The following DNAH6 variants were observed in gnomAD, a reference collection of about 807,000 sequenced individuals.
DNAH6 encodes axonemal beta dynein heavy chain 6.
In DNAH6, 340 loss-of-function variants were observed where a neutral mutation model predicts 491.4. That is an observed-to-expected ratio of 0.69 (90% CI 0.63 to 0.76). The LOEUF is 0.76. Ranked by LOEUF, DNAH6 falls within the 30% of genes least tolerant of loss-of-function variation. The pLI is 0.00. For synonymous variants in DNAH6, 1,603 were observed against 1,686.1 expected (o/e 0.95, Z 1.21); for missense variants, 4,443 against 4,972.2 (o/e 0.89, Z 3.20).
At chr2:84,654,582 A>G (rs1390277287) in intron 34 of DNAH6, 78 bp from the exon 35 acceptor site, 6 of 1,516,488 alleles carry the variant, frequency 4.0e-6, no homozygotes, top group Non-Finnish European at 5.3e-6. Flanking sequence ...GAATCATTTT[A>G]TAAGTGTGAA....
chr2:84,532,173 G>A (rs1198567040), intron 4 of DNAH6, among the ~76,000 whole-genome samples: 1 of 152,114 alleles, frequency 6.6e-6, no homozygotes, highest in African/African-American at 2.4e-5. Context: ...ACTGAAAACT[G>A]CTTTTGTTCA....
rs76839978 is a variant in DNAH6, at chr2:84,674,821, C to A, written c.6613-2184C>A. 5.3e-3 allele frequency among the ~76,000 whole-genome samples: 807 copies of A among 152,228 alleles called. 9 individuals carry two copies. Among genetic ancestry groups the A allele is most frequent in the African/African-American group, 0.018 (768 of 41,538 alleles). ...CCACCAGGCCAGCGCTCAGTGGCTC[C>A]TCTCTGCCAAACAAATCACATGGAA... On this transcript the variant is annotated intron_variant, in intron 40 of 76. Transcript: ENST00000389394.
At chr2:84,570,752 C>T (rs889145168) in intron 11 of DNAH6, among the ~76,000 whole-genome samples, 3 of 152,160 alleles carry the variant, frequency 2.0e-5, no homozygotes, top group Admixed American at 6.5e-5. Flanking sequence ...GCTGGCCACC[C>T]GAGCCAGTAG....
At chr2:84,784,911 G>A (rs983353430) in intron 66 of DNAH6, 101 bp downstream of exon 66, 2 of 804,840 alleles carry the variant, frequency 2.5e-6, no homozygotes, top group East Asian at 2.8e-5. Flanking sequence ...GCATGTGGAG[G>A]TCTGTGTGGC....
At chr2:84,718,122 A>C in intron 58 of DNAH6, 82 bp from the exon 59 acceptor site, 1 of 1,192,518 alleles carries the variant, frequency 8.4e-7, no homozygotes, top group Non-Finnish European at 1.2e-6. Flanking sequence ...AATAAGAACG[A>C]TTACAAACAG....
chr2:84,635,699 G>A (rs1055285921), intron 30 of DNAH6, among the ~76,000 whole-genome samples: 15 of 152,090 alleles, frequency 9.9e-5, no homozygotes, highest in Admixed American at 3.9e-4. Context: ...AACCAGCCTC[G>A]TCCTGAAGCT....
At chr2:84,657,977 A>G (rs938998417) in intron 35 of DNAH6, among the ~76,000 whole-genome samples, 1 of 152,028 alleles carries the variant, frequency 6.6e-6, no homozygotes, top group Admixed American at 6.6e-5. Context: ...ATAATTGTGA[A>G]AGAACATCAG....
chr2:84,813,950 T>A (rs1467997092), intron 74 of DNAH6, 21 bp from the exon 75 acceptor site: 7 of 1,551,306 alleles, frequency 4.5e-6, no homozygotes, highest in Non-Finnish European at 6.1e-6. Context: ...GAACGCAGCT[T>A]TCCGATTTTC....
At chr2:84,483,756 C>T in the DNAH6 span, among the ~76,000 whole-genome samples, 1 of 152,132 alleles carries the variant, frequency 6.6e-6, no homozygotes, top group Non-Finnish European at 1.5e-5. Context: ...GGTGACATTT[C>T]CAGCTTCTCA....
intron 30 of DNAH6, 55 bp downstream of exon 30, chr2:84,634,696 C>T: frequency 7.0e-7 from 1 of 1,432,862 alleles, no homozygotes; most frequent in Non-Finnish European, 9.2e-7. Context: ...TTGTCATTAA[C>T]TCACAGAATG....
chr2:84,551,411 A>G (rs190639004), intron 9 of DNAH6, among the ~76,000 whole-genome samples: 20 of 152,234 alleles, frequency 1.3e-4, no homozygotes, highest in Non-Finnish European at 1.5e-5. Context: ...AAAAGATATT[A>G]TACTTTCCTT....
chr2:84,639,288 TC>T (rs2104491771), intron 31 of DNAH6, among the ~76,000 whole-genome samples: 1 of 152,270 alleles, frequency 6.6e-6, no homozygotes, highest in South Asian at 2.1e-4. Context: ...CAACATGTTT[TC>T]CATATCTCAT....
At chr2:84,585,799 G>A (rs955124873) in intron 15 of DNAH6, among the ~76,000 whole-genome samples, 3 of 152,160 alleles carry the variant, frequency 2.0e-5, no homozygotes, top group Admixed American at 2.0e-4. Flanking sequence ...GCTCAGCTCT[G>A]GCTGAGCCCA....
chr2:84,808,069 A>T (rs935430734), intron 71 of DNAH6, among the ~76,000 whole-genome samples: 3 of 152,070 alleles, frequency 2.0e-5, no homozygotes, highest in African/African-American at 7.2e-5. Flanking sequence ...CATGGGGAAC[A>T]TGCTTTAAGG....
At chr2:84,742,704 T>C (rs993676912) in intron 62 of DNAH6, among the ~76,000 whole-genome samples, 3 of 152,166 alleles carry the variant, frequency 2.0e-5, no homozygotes, top group Non-Finnish European at 4.4e-5. Flanking sequence ...TTTCTTTATA[T>C]CCTTTATTTC....
At chr2:84,654,000 C>G in intron 34 of DNAH6, 126 bp downstream of exon 34, 1 of 738,156 alleles carries the variant, frequency 1.4e-6, no homozygotes, top group Non-Finnish European at 2.1e-6. Flanking sequence ...TGTTTACTTA[C>G]TTATTAAGTC....
intron 23 of DNAH6, among the ~76,000 whole-genome samples, chr2:84,618,840 A>G (rs1284845833): frequency 6.6e-6 from 1 of 152,148 alleles, no homozygotes; most frequent in African/African-American, 2.4e-5. Flanking sequence ...AAGGTCACAT[A>G]GTAGATACTC....
chr2:84,582,329 C>T (rs1683110712), intron 14 of DNAH6, among the ~76,000 whole-genome samples: 1 of 152,178 alleles, frequency 6.6e-6, no homozygotes, highest in African/African-American at 2.4e-5. Flanking sequence ...GCAGCAGCAG[C>T]ATCTGAAAAT....
At chr2:84,732,761 A>G (rs1406272034) in intron 61 of DNAH6, among the ~76,000 whole-genome samples, 2 of 152,268 alleles carry the variant, frequency 1.3e-5, no homozygotes, top group African/African-American at 2.4e-5. Context: ...CAAATGAATG[A>G]ATTGCTTAGC....
Sources: allele counts gnomAD v4.1 joint callset (sites outside exome capture counted in the v4.1 genomes callset), GRCh38; gene constraint gnomAD v4.1.1; transcripts MANE v1.5; gene names NCBI Gene and HGNC (gene_info 2026-07-23, HGNC 2026-07-21).